Variants in MOGS observed in about 807,000 individuals in gnomAD.
The protein encoded by MOGS is mannosyl-oligosaccharide glucosidase.
In MOGS, 45 loss-of-function variants were observed where a neutral mutation model predicts 68.5. The observed-to-expected ratio is 0.66, with a 90% CI of 0.52 to 0.84. The LOEUF (loss-of-function observed/expected upper bound fraction) is 0.84. Ranked by LOEUF, MOGS falls within the 40% of genes least tolerant of loss-of-function variation. The probability of loss-of-function intolerance (pLI) is 0.00; values close to 1 mark genes in which losing one functional copy is unlikely to be tolerated. For missense variants in MOGS, 1,020 were observed against 1,095.0 expected (o/e 0.93, Z 0.97); for synonymous variants, 492 against 461.2 (o/e 1.07, Z -0.86).
Position 74,464,591 on chromosome 2 carries a change from G to C in MOGS, c.484C>G (p.Gln162Glu), listed in dbSNP as rs1367138644. 1 of 1,614,098 alleles carries C rather than the reference G, an allele frequency of 6.2e-7. No homozygotes were observed. Among genetic ancestry groups the C allele is most frequent in the East Asian group, 2.2e-5 (1 of 44,876 alleles). ...GTGGTGAGCCTTAAGGCCCCATCCT[G>C]GATGTGTTGGCGCCCGAAGGAGAGG... ...DGLSFGRQHI[Q>E]DGALRLTTEF... The change falls in exon 2 of 4, where the codon CAG becomes GAG. Residue 162 changes from glutamine to glutamate, a missense_variant. By Grantham distance (29) the Gln-to-Glu change is conservative. Around this residue, in one of 3 missense-constraint regions of MOGS, gnomAD observed 569 missense variants for 571.9 expected, o/e 0.99. Transcript: ENST00000448666.
chr2:74,463,437 C>T (rs777300231), intron 2 of MOGS, 51 bp from the exon 3 acceptor site: 4 of 1,560,474 alleles, frequency 2.6e-6, no homozygotes, highest in Non-Finnish European at 3.5e-6. Flanking sequence ...GGCATTCTCT[C>T]TTGAATTCCC....
In MOGS at chr2:74,461,725, A is replaced by T; in HGVS notation, c.2064T>A (p.Ala688=). 6.2e-7 allele frequency: 1 copy of T among 1,614,182 alleles called. No homozygotes were observed. Among genetic ancestry groups the T allele is most frequent in the Non-Finnish European group, 8.5e-7 (1 of 1,180,042 alleles). Residue 688 remains alanine (A), a synonymous_variant, in exon 4 of 4, where the codon GCT becomes GCA. Transcript: ENST00000448666. ...AGGGAAAAAGACTGACATAGCCAAG[A>T]GCATCTACATACTGCAGTTGAGGTT... ...RPQPQLQYVD[A]LGYVSLFPLL... is the part of the protein sequence containing the mutation.
At position 74,461,550 on chromosome 2, in the gene MOGS, GA is replaced by G; in HGVS notation, c.2238del (p.Tyr749ThrfsTer44). 6.2e-7 allele frequency: 1 copy of G among 1,614,050 alleles called. No homozygotes were observed. The highest frequency in any genetic ancestry group is 8.5e-7 in the Non-Finnish European group (1 of 1,179,946). ...CACACAGCACCCCGCCAGTAGGGGG[GA>G]TCATGCTCTGAATTGCGCTGGCCAT... ...SFYGQRNSEH[D>X]PPYWRGAVWL... On this transcript the variant is annotated frameshift_variant, in exon 4 of 4. Coordinates refer to ENST00000448666, the MANE Select transcript of MOGS (RefSeq NM_006302.3). LOFTEE classifies it high-confidence loss of function.
chr2:74,465,030 G>A lies in MOGS; in HGVS notation c.218C>T (p.Thr73Met). The A allele has an allele frequency of 6.4e-7, 1 of 1,553,724 alleles. No homozygotes were observed. The highest frequency in any genetic ancestry group is 8.7e-7 in the Non-Finnish European group (1 of 1,149,202). The part of the protein sequence containing the change: ...LAWYRARRAV[T>M]LHSAPPVLPA... ...CAACACAGGAGGCGCGGAGTGCAGC[G>A]TGACCGCCCGCCGCGCACGGTACCA... is the stretch of plus-strand genomic sequence containing the variant. Residue 73 changes from threonine (T) to methionine (M), a missense_variant, in exon 1 of 4, where the codon ACG becomes ATG. By Grantham distance (81) the Thr-to-Met change is moderately conservative. Coordinates refer to ENST00000448666, the MANE Select transcript of MOGS (RefSeq NM_006302.3).
intron 3 of MOGS, 80 bp from the exon 4 acceptor site, chr2:74,463,092 G>A: frequency 1.2e-6 from 2 of 1,610,576 alleles, no homozygotes; most frequent in Non-Finnish European, 1.7e-6. Context: ...AAAGTGTTCA[G>A]GAGTCAGGTT....
Position 74,464,495 on chromosome 2 carries a change from C to A in MOGS, c.579+1G>T. 6.2e-7 allele frequency: 1 copy of A among 1,613,960 alleles called. No individual in the cohort carries two copies. Among genetic ancestry groups the A allele is most frequent in the Non-Finnish European group, 8.5e-7 (1 of 1,179,994 alleles). ...AGAAAAGGGTGTCCTGAGGCCCTGACCTGAGGCTCTACAGTCACTCTCCAG... is the reference window on the plus strand; with the variant it reads ...AGAAAAGGGTGTCCTGAGGCCCTGAACTGAGGCTCTACAGTCACTCTCCAG... On this transcript the variant is annotated splice_donor_variant, in intron 2 of 3. Transcript: ENST00000448666. LOFTEE classifies it high-confidence loss of function.
chr2:74,465,201 A>T lies in MOGS; in HGVS notation c.47T>A (p.Val16Glu), dbSNP rs1343053611. 1 of 1,525,994 alleles carries T rather than the reference A, an allele frequency of 6.6e-7. No homozygotes were observed. The highest frequency in any genetic ancestry group is 8.7e-7 in the Non-Finnish European group (1 of 1,148,184). 94.5% of individuals were successfully genotyped at this position (1,525,994 alleles called of 1,614,324 possible). Residue 16 changes from valine (V) to glutamate (E), a missense_variant, in exon 1 of 4, where the codon GTG (valine) becomes GAG (glutamate). Physicochemically the swap from Val to Glu is moderately radical, Grantham distance 121. This residue lies in a region of MOGS where 569 missense variants were observed against 571.9 expected (regional missense o/e 0.99). Transcript: ENST00000448666. ...RRRRAVPAEGVRTAERAARGG... is the reference protein window; with the variant it reads ...RRRRAVPAEGERTAERAARGG... ...CCGAGCCGCCCTCTCGGCTGTCCGC[A>T]CTCCCTCTGCCGGCACTGCGCGGCG...
In MOGS at chr2:74,461,296, C is replaced by T. The variant is rs760158210; in HGVS notation, c.2493G>A (p.Leu831=). 6.8e-6 allele frequency: 11 copies of T among 1,614,004 alleles called. No individual in the cohort carries two copies. The highest frequency in any genetic ancestry group is 9.3e-6 in the Non-Finnish European group (11 of 1,180,050). The part of the protein sequence containing the change: ...PFHGWTSLVL[L]AMAEDY Reference sequence around the variant, plus strand: ...CCCTTCAGTAGTCTTCAGCCATGGCCAGTAAGACAAGGCTGGTCCAGCCGT... The same window carrying T: ...CCCTTCAGTAGTCTTCAGCCATGGCTAGTAAGACAAGGCTGGTCCAGCCGT... The change falls in exon 4 of 4, where the codon CTG becomes CTA. Residue 831 remains leucine (L), a synonymous_variant. Transcript: ENST00000448666.
rs373073811 is a variant in MOGS at position 74,461,747 on chromosome 2, G to A, written c.2042C>T (p.Pro681Leu). Reference sequence around the variant, plus strand: ...AAGAGCATCTACATACTGCAGTTGAGGTTGGGGCCGACCCACCACCCGAAC... The same window carrying A: ...AAGAGCATCTACATACTGCAGTTGAAGTTGGGGCCGACCCACCACCCGAAC... ...GLVRVVGRPQ[P>L]QLQYVDALGY... The change falls in exon 4 of 4, where the codon CCT (proline) becomes CTT (leucine). Residue 681 changes from proline (P) to leucine (L), a missense_variant. Physicochemically the swap from Pro to Leu is moderately conservative, Grantham distance 98 (BLOSUM62 -3). Coordinates refer to ENST00000448666, the MANE Select transcript of MOGS (RefSeq NM_006302.3). The A allele has an allele frequency of 6.2e-7, 1 of 1,614,112 alleles. No individual in the cohort carries two copies. Among genetic ancestry groups the A allele is most frequent in the African/African-American group, 1.3e-5 (1 of 74,940 alleles).
Position 74,463,124 on chromosome 2 carries a change from A to G in MOGS, c.776+66T>C, listed in dbSNP as rs1329604343. On this transcript the variant is annotated intron_variant, in intron 3 of 3. Transcript: ENST00000448666. ...GGTTGGGAGGTCTCAGGCAGGGGAC[A>G]TGGAGACTGGTGAAAATGGGAATAA... 30 of 1,610,518 alleles carry G rather than the reference A, an allele frequency of 1.9e-5. No homozygotes were observed. In the East Asian group the frequency reaches 5.6e-4, roughly 30 times the overall value.
rs780222746 is a variant in MOGS, at chr2:74,464,550, C to T, written c.525G>A (p.Arg175=). ...AGTCCCCTCCGTGCTGACCCCCAGG[C>T]CTCTTGACGAACTCAGTGGTGAGCC... ...ALRLTTEFVK[R]PGGQHGGDWS... Residue 175 remains arginine, a synonymous_variant, in exon 2 of 4, where the codon AGG becomes AGA. Coordinates refer to ENST00000448666, the MANE Select transcript of MOGS (RefSeq NM_006302.3). 7 of 1,614,144 alleles carry T rather than the reference C, an allele frequency of 4.3e-6. No individual in the cohort carries two copies. The highest frequency in any genetic ancestry group is 5.9e-6 in the Non-Finnish European group (7 of 1,180,030).
Position 74,462,564 on chromosome 2 carries a change from C to T in MOGS, c.1225G>A (p.Gly409Arg), listed in dbSNP as rs749858541. ...LGGIGYFYGQ[G>R]LVLPDIGVEG... ...ACCCCGATGTCTGGCAATACCAGCC[C>T]TTGTCCGTAGAAGTAGCCAATTCCA... The change falls in exon 4 of 4, where the codon GGG becomes AGG. Residue 409 changes from glycine to arginine, a missense_variant. By Grantham distance (125) the Gly-to-Arg change is moderately radical (BLOSUM62 -2). Around this residue, in one of 3 missense-constraint regions of MOGS, gnomAD observed 569 missense variants for 571.9 expected, o/e 0.99. Coordinates refer to ENST00000448666, the MANE Select transcript of MOGS (RefSeq NM_006302.3). 1 of 1,613,016 alleles carries T rather than the reference C, an allele frequency of 6.2e-7. No individual in the cohort carries two copies. Among genetic ancestry groups the T allele is most frequent in the South Asian group, 1.1e-5 (1 of 91,076 alleles).
At position 74,465,049 on chromosome 2, in the gene MOGS, G is replaced by A; in HGVS notation, c.199C>T (p.Arg67Cys). 4.5e-6 allele frequency: 7 copies of A among 1,556,008 alleles called. No individual in the cohort carries two copies. Among genetic ancestry groups the A allele is most frequent in the Non-Finnish European group, 6.1e-6 (7 of 1,150,842 alleles). ...MSGRWVLAWY[R>C]ARRAVTLHSA... ...TGCAGCGTGACCGCCCGCCGCGCAC[G>A]GTACCACGCCAGCACCCAGCGCCCC... Residue 67 changes from arginine (R) to cysteine (C), a missense_variant, in exon 1 of 4, where the codon CGT becomes TGT. Around this residue, in one of 3 missense-constraint regions of MOGS, gnomAD observed 569 missense variants for 571.9 expected, o/e 0.99. Coordinates refer to ENST00000448666, the MANE Select transcript of MOGS (RefSeq NM_006302.3).
In MOGS at chr2:74,463,384, G is replaced by C; in HGVS notation, c.582C>G (p.Asp194Glu). 5 of 1,614,116 alleles carry C rather than the reference G, an allele frequency of 3.1e-6. No homozygotes were observed. Among genetic ancestry groups the C allele is most frequent in the Non-Finnish European group, 4.2e-6 (5 of 1,179,978 alleles). Residue 194 changes from aspartate (D) to glutamate (E), a missense_variant and splice_region_variant, in exon 3 of 4, where the codon GAC becomes GAG. Around this residue, in one of 3 missense-constraint regions of MOGS, gnomAD observed 569 missense variants for 571.9 expected, o/e 0.99. Coordinates refer to ENST00000448666, the MANE Select transcript of MOGS (RefSeq NM_006302.3). ...WSWRVTVEPQ[D>E]SGTSALPLVS... The stretch of plus-strand genomic sequence containing the variant: ...CCAAAGGGAGGGCAGAAGTACCTGA[G>C]TCCTGAGTGACCAACGAGGACAGAA...
rs1671965232 is a variant in MOGS, at chr2:74,462,853, A to G, written c.936T>C (p.Ser312=). The part of the protein sequence containing the change: ...GSLKWEDRGP[S]GQGQGQFLIQ... ...TCAAGAACTGCCCCTGCCCTTGCCCACTTGGACCTCTGTCCTCCCACTTCA... is the reference window on the plus strand; with the variant it reads ...TCAAGAACTGCCCCTGCCCTTGCCCGCTTGGACCTCTGTCCTCCCACTTCA... Residue 312 remains serine, a synonymous_variant, in exon 4 of 4, where the codon AGT becomes AGC. Coordinates refer to ENST00000448666, the MANE Select transcript of MOGS (RefSeq NM_006302.3). 6.2e-7 allele frequency: 1 copy of G among 1,614,186 alleles called. No individual in the cohort carries two copies. Among genetic ancestry groups the G allele is most frequent in the Non-Finnish European group, 8.5e-7 (1 of 1,180,034 alleles).
At position 74,462,728 on chromosome 2, in the gene MOGS, C is replaced by T. The variant is rs200348131; in HGVS notation, c.1061G>A (p.Gly354Asp). 1.9e-5 allele frequency: 31 copies of T among 1,614,228 alleles called. No homozygotes were observed. In the East Asian group the frequency reaches 6.5e-4, roughly 34 times the overall value. ...CTCCAGGGCCTGGGTCAGTAGACTG[C>T]CTGCCAGTCTTGGCAGGGCTTGATT... Reference protein sequence around the residue: ...GGNQALPRLAGSLLTQALESH... With the variant: ...GGNQALPRLADSLLTQALESH... The change falls in exon 4 of 4, where the codon GGC (glycine) becomes GAC (aspartate). Residue 354 changes from glycine (G) to aspartate (D), a missense_variant. By Grantham distance (94) the Gly-to-Asp change is moderately conservative. Around this residue, in one of 3 missense-constraint regions of MOGS, gnomAD observed 569 missense variants for 571.9 expected, o/e 0.99. Coordinates refer to ENST00000448666, the MANE Select transcript of MOGS (RefSeq NM_006302.3).
At chr2:74,463,134 G>A in intron 3 of MOGS, 56 bp downstream of exon 3, 1 of 1,611,360 alleles carries the variant, frequency 6.2e-7, no homozygotes, top group Middle Eastern at 1.8e-4. Flanking sequence ...ATGGAGACTG[G>A]TGAAAATGGG....
chr2:74,464,852 C>A, intron 1 of MOGS, 44 bp downstream of exon 1: 1 of 1,585,092 alleles, frequency 6.3e-7, no homozygotes, highest in Non-Finnish European at 8.6e-7. Context: ...CTGGGGCGCC[C>A]AGATTAGGAG....
At position 74,462,765 on chromosome 2, in the gene MOGS, G is replaced by A. The variant is rs893214845; in HGVS notation, c.1024C>T (p.Gln342Ter). ...GGCAGGGCTTGATTTCCTCCTGCCT[G>A]GGCACTGCCTGATTCAAACACAAAC... ...IEFVFESGSA[Q>*]AGGNQALPRL... The change falls in exon 4 of 4, where the codon CAG becomes TAG. Residue 342 changes from glutamine (Q) to a stop codon, truncating the protein, a stop_gained. Coordinates refer to ENST00000448666, the MANE Select transcript of MOGS (RefSeq NM_006302.3). LOFTEE classifies it high-confidence loss of function. 16 of 1,614,238 alleles carry A rather than the reference G, an allele frequency of 9.9e-6. No individual in the cohort carries two copies. Among genetic ancestry groups the A allele is most frequent in the Non-Finnish European group, 1.4e-5 (16 of 1,180,044 alleles).
Sources: gnomAD v4.1 joint callset for allele counts on GRCh38, gnomAD v4.1.1 for gene constraint, gnomAD v4.1.1 regional missense constraint, MANE v1.5 for transcripts, NCBI Gene and HGNC (gene_info 2026-07-23, HGNC 2026-07-21) for gene names.